HDHD2: variants seen among roughly 807,000 people sequenced by gnomAD.
The protein encoded by HDHD2 is haloacid dehalogenase like hydrolase domain containing 2.
In HDHD2, 26 loss-of-function variants were observed where a neutral mutation model predicts 24.8. The ratio of observed to expected loss-of-function variants is 1.05; its 90% CI spans 0.77 to 1.45. The LOEUF (loss-of-function observed/expected upper bound fraction) is 1.45, where lower values mean the gene tolerates loss of function less well. Among genes scored for constraint, HDHD2 ranks in the 40% most tolerant of loss-of-function variants. The pLI is 0.00. For synonymous variants in HDHD2, 128 were observed against 114.9 expected, an observed-to-expected ratio of 1.11 and a Z score of -0.73; for missense variants, 299 against 313.4, an observed-to-expected ratio of 0.95 and a Z score of 0.35.
intron 5 of HDHD2, among the ~76,000 whole-genome samples, chr18:47,114,522 A>C (rs1356455343): frequency 6.6e-6 from 1 of 152,192 alleles, no homozygotes; most frequent in Non-Finnish European, 1.5e-5. Context: ...CTGTTTTCCC[A>C]TCAAGACACA....
Position 47,112,956 on chromosome 18 carries a change from CT to C in HDHD2, c.676+20del. On this transcript the variant is annotated intron_variant, in intron 6 of 6. Coordinates refer to ENST00000300605, the MANE Select transcript of HDHD2 (RefSeq NM_032124.5). ...TTCTACTATTCTGTTTTAGAAAATG[CT>C]TTATACAGAAGATACATACCAGTCT... is the stretch of plus-strand genomic sequence containing the variant. The C allele has an allele frequency of 6.3e-7, 1 of 1,599,416 alleles. No individual in the cohort carries two copies. The highest frequency in any genetic ancestry group is 8.6e-7 in the Non-Finnish European group (1 of 1,166,796).
chr18:47,122,448 C>T (rs2063616324), intron 4 of HDHD2, among the ~76,000 whole-genome samples: 1 of 152,126 alleles, frequency 6.6e-6, no homozygotes, highest in Non-Finnish European at 1.5e-5. Context: ...ACCCCTCTCC[C>T]TCAGTTATGA....
In HDHD2 at chr18:47,136,652, A is replaced by T. The variant is rs200842458; in HGVS notation, c.-10-203T>A. On this transcript the variant is annotated intron_variant, in intron 1 of 6. Coordinates refer to ENST00000300605, the MANE Select transcript of HDHD2 (RefSeq NM_032124.5). The stretch of plus-strand genomic sequence containing the variant: ...TTTTACAATACTTAGGTTTTTTTTT[A>T]AAAAAAAAAAACACTTGAATTAAAA... Among the ~76,000 whole-genome samples the T allele has an allele frequency of 7.5e-3, 984 of 131,476 alleles. 8 individuals are homozygous for T. The highest frequency in any genetic ancestry group is 0.021 in the African/African-American group (733 of 34,462). The allele number at this position is 131,476 out of a possible 152,430, so 86.3% of individuals were successfully genotyped here. A position where few individuals can be genotyped will look rare whatever the true frequency, so the allele number is the denominator to read the frequency against.
At position 47,112,994 on chromosome 18, in the gene HDHD2, C is replaced by G. The variant is rs200924860; in HGVS notation, c.659G>C (p.Gly220Ala). The G allele has an allele frequency of 6.2e-7, 1 of 1,613,610 alleles. No individual in the cohort carries two copies. Among genetic ancestry groups the G allele is most frequent in the Non-Finnish European group, 8.5e-7 (1 of 1,179,666 alleles). Residue 220 changes from glycine to alanine, a missense_variant, in exon 6 of 7, where the codon GGC (glycine) becomes GCC (alanine). Transcript: ENST00000300605. ...ATACATACCAGTCTTTACTAAGATG[C>G]CCAGCATGCCGACATCTTGAGCCCC... ...VGGAQDVGML[G>A]ILVKTGKYRA... is the part of the protein sequence containing the mutation.
In HDHD2 at chr18:47,147,335, T is replaced by C. The variant is rs1445526768; in HGVS notation, c.-11+3043A>G. Reference sequence around the variant, plus strand: ...CACATGTTATTCTATTTCTGATCTTTATTGTGACCTTGAATTGAAGGATTA... The same window carrying C: ...CACATGTTATTCTATTTCTGATCTTCATTGTGACCTTGAATTGAAGGATTA... On this transcript the variant is annotated intron_variant, in intron 1 of 6. Coordinates refer to ENST00000300605, the MANE Select transcript of HDHD2 (RefSeq NM_032124.5). Among the ~76,000 whole-genome samples the C allele has an allele frequency of 2.0e-5, 3 of 152,206 alleles. No individual in the cohort carries two copies. The East Asian group carries it at 5.8e-4, about 29-fold the overall frequency.
At chr18:47,111,497 C>T in intron 6 of HDHD2, 1 of 985,038 alleles carries the variant, frequency 1.0e-6, no homozygotes, top group Non-Finnish European at 1.2e-6. Flanking sequence ...AATCTGAAAA[C>T]AAAGATACAT....
In HDHD2 at chr18:47,130,834, A is replaced by C. The variant is rs950022377; in HGVS notation, c.311-506T>G. ...ATATGAAATGCACTGCAGAGTCTAC[A>C]GTTTTCTGCATAATGCCTTATCTAC... On this transcript the variant is annotated intron_variant, in intron 3 of 6. Transcript: ENST00000300605. 7.2e-5 allele frequency among the ~76,000 whole-genome samples: 11 copies of C among 152,344 alleles called. No homozygotes were observed. The South Asian group carries it at 1.0e-3, about 14-fold the overall frequency.
intron 6 of HDHD2, chr18:47,110,754 G>A: frequency 2.0e-6 from 2 of 985,186 alleles, no homozygotes; most frequent in Non-Finnish European, 2.4e-6. Context: ...GATGAATGGA[G>A]GGAGAAAACA....
chr18:47,136,535 T>C (rs2063767909), intron 1 of HDHD2, 86 bp from the exon 2 acceptor site: 1 of 1,101,558 alleles, frequency 9.1e-7, no homozygotes, highest in African/African-American at 1.6e-5. Context: ...ATATCACTCA[T>C]ATCCAGAAAG....
At position 47,116,237 on chromosome 18, in the gene HDHD2, A is replaced by G. The variant is rs560069619; in HGVS notation, c.396-889T>C. On this transcript the variant is annotated intron_variant, in intron 4 of 6. Transcript: ENST00000300605. Reference sequence around the variant, plus strand: ...AGTACTCACGCACATATTATCATCTAATAGCATGCGGGACATGATATATTT... The same window carrying G: ...AGTACTCACGCACATATTATCATCTGATAGCATGCGGGACATGATATATTT... Among the ~76,000 whole-genome samples, 5 of 152,332 alleles carry G rather than the reference A, an allele frequency of 3.3e-5. 1 individual carries two copies. Among genetic ancestry groups the G allele is most frequent in the African/African-American group, 1.2e-4 (5 of 41,582 alleles).
At chr18:47,114,632 C>G (rs1348314614) in intron 5 of HDHD2, among the ~76,000 whole-genome samples, 1 of 152,102 alleles carries the variant, frequency 6.6e-6, no homozygotes, top group Non-Finnish European at 1.5e-5. Context: ...AGGCTCAGCC[C>G]TGCCACTCAA....
At chr18:47,111,134 T>C (rs1445571119) in intron 6 of HDHD2, 1 of 985,120 alleles carries the variant, frequency 1.0e-6, no homozygotes, top group Non-Finnish European at 1.2e-6. Context: ...CAAATATGCC[T>C]GCTTCCAAGA....
At chr18:47,126,632 T>C (rs578182740) in intron 4 of HDHD2, among the ~76,000 whole-genome samples, 2 of 152,172 alleles carry the variant, frequency 1.3e-5, no homozygotes, top group South Asian at 2.1e-4. Flanking sequence ...AAAGTTGTGA[T>C]GCCATTTCTC....
In HDHD2 at chr18:47,115,292, C is replaced by T. The variant is rs2063549290; in HGVS notation, c.452G>A (p.Arg151Lys). ...IAIHKARYYK[R>K]KDGLALGPGP... is the part of the protein sequence containing the mutation. The stretch of plus-strand genomic sequence containing the variant: ...AGGCCCCAGGGCTAAGCCATCTTTC[C>T]TCTTGTAATACCTGGCTTTGTGGAT... The change falls in exon 5 of 7, where the codon AGG (arginine) becomes AAG (lysine). Residue 151 changes from arginine (R) to lysine (K), a missense_variant. Coordinates refer to ENST00000300605, the MANE Select transcript of HDHD2 (RefSeq NM_032124.5). 6.2e-7 allele frequency: 1 copy of T among 1,613,902 alleles called. No homozygotes were observed. The highest frequency in any genetic ancestry group is 1.1e-5 in the South Asian group (1 of 91,086).
At chr18:47,141,187 CCTA>C (rs1200694397) in intron 1 of HDHD2, among the ~76,000 whole-genome samples, 2 of 152,194 alleles carry the variant, frequency 1.3e-5, no homozygotes, top group African/African-American at 4.8e-5. Flanking sequence ...TTGGATTTTA[CCTA>C]CTACTTTTTC....
chr18:47,110,533 C>T, intron 6 of HDHD2: 1 of 985,320 alleles, frequency 1.0e-6, no homozygotes, highest in Non-Finnish European at 1.2e-6. Context: ...GCTTCCTAGC[C>T]ATGGAGTTAA....
chr18:47,127,355 G>A (rs2063668786), intron 4 of HDHD2, among the ~76,000 whole-genome samples: 2 of 152,084 alleles, frequency 1.3e-5, no homozygotes, highest in South Asian at 4.1e-4. Flanking sequence ...TAAATTTTGT[G>A]TAAACATGTA....
chr18:47,114,026 C>A (rs1177169428), intron 5 of HDHD2, among the ~76,000 whole-genome samples: 6 of 152,140 alleles, frequency 3.9e-5, no homozygotes, highest in African/African-American at 1.4e-4. Flanking sequence ...CACCTCTCAT[C>A]CTGTCCCAGG....
Position 47,115,282 on chromosome 18 carries a change from G to A in HDHD2, c.462C>T (p.Gly154=), listed in dbSNP as rs754709324. The A allele has an allele frequency of 6.2e-7, 1 of 1,614,022 alleles. No homozygotes were observed. The highest frequency in any genetic ancestry group is 1.1e-5 in the South Asian group (1 of 91,078). ...HKARYYKRKD[G]LALGPGPFVT... ...CAAATGGTCCAGGCCCCAGGGCTAA[G>A]CCATCTTTCCTCTTGTAATACCTGG... The change falls in exon 5 of 7, where the codon GGC becomes GGT. Residue 154 remains glycine (G), a synonymous_variant. Coordinates refer to ENST00000300605, the MANE Select transcript of HDHD2 (RefSeq NM_032124.5).
Sources: allele counts gnomAD v4.1 joint callset (sites outside exome capture counted in the v4.1 genomes callset), GRCh38; gene constraint gnomAD v4.1.1; transcripts MANE v1.5; gene names NCBI Gene and HGNC (gene_info 2026-07-23, HGNC 2026-07-21).